The following SLC6A14 variants were observed in gnomAD, a reference collection of about 807,000 sequenced individuals.
The protein encoded by SLC6A14 is solute carrier family 6 member 14.
A neutral mutation model predicts 51.4 loss-of-function variants in SLC6A14; 21 were observed. That is an observed-to-expected ratio of 0.41 (90% CI 0.29 to 0.59). The LOEUF (loss-of-function observed/expected upper bound fraction) is 0.59. SLC6A14 is among the 20% of genes least tolerant of loss of function. SLC6A14 has a pLI of 0.31. For missense variants in SLC6A14, 371 were observed against 472.8 expected (o/e 0.78, Z 2.00); for synonymous variants, 177 against 160.7 (o/e 1.10, Z -0.77).
intron 7 of SLC6A14, among the ~76,000 whole-genome samples, chrX:116,447,731 G>C (rs1295848176): frequency 9.1e-6 from 1 of 110,492 alleles, no homozygotes; most frequent in Non-Finnish European, 1.9e-5. Flanking sequence ...AAGTAGCTGG[G>C]ATTACAGGCA....
chrX:116,456,590 A>C lies in SLC6A14; in HGVS notation c.1615-1019A>C, dbSNP rs1483588993. On this transcript the variant is annotated intron_variant, in intron 12 of 13. Coordinates refer to ENST00000598581, the MANE Select transcript of SLC6A14 (RefSeq NM_007231.5). ...CACCTGAATTTAATTTAAAATGCAA[A>C]AGTATTAGATATGAAATGATTTACA... is the stretch of plus-strand genomic sequence containing the variant. Among the ~76,000 whole-genome samples, 3 of 111,020 alleles carry C rather than the reference A, an allele frequency of 2.7e-5. No individual in the cohort carries two copies. The East Asian group carries it at 8.4e-4, about 31-fold the overall frequency.
chrX:116,445,472 G>GAGAGAC (rs1927690081), intron 6 of SLC6A14, among the ~76,000 whole-genome samples: 1 of 99,443 alleles, frequency 1.0e-5, no homozygotes, highest in East Asian at 3.1e-4. Context: ...GAGAGAGAGA[G>GAGAGAC]AGAGAGAGAG....
At position 116,437,674 on chromosome X, in the gene SLC6A14, A is replaced by G. The variant is rs1268003263; in HGVS notation, c.49-116A>G. On this transcript the variant is annotated intron_variant, in intron 1 of 13. Transcript: ENST00000598581. ...ACTTTCTAAAGCATTCCCCTCAGCTATGGTTTTCAGGGTTTCTTCCCCCCA... is the reference window on the plus strand; with the variant it reads ...ACTTTCTAAAGCATTCCCCTCAGCTGTGGTTTTCAGGGTTTCTTCCCCCCA... 3 of 692,133 alleles carry G rather than the reference A, an allele frequency of 4.3e-6. No homozygotes were observed. In the Admixed American group the frequency reaches 9.6e-5, roughly 22 times the overall value. 57.0% of individuals were successfully genotyped at this position (692,133 alleles called of 1,213,427 possible).
chrX:116,457,845 A>C, intron 13 of SLC6A14, 69 bp downstream of exon 13: 1 of 793,996 alleles, frequency 1.3e-6, no homozygotes, highest in Non-Finnish European at 1.9e-6. Flanking sequence ...TAATTTACTC[A>C]CATGGTAGTA....
chrX:116,452,935 T>C (rs782063500), intron 8 of SLC6A14, 82 bp from the exon 9 acceptor site: 1 of 805,039 alleles, frequency 1.2e-6, no homozygotes, highest in African/African-American at 2.2e-5. Context: ...AAGATGAGAT[T>C]TTTCTAATAT....
At chrX:116,437,456 A>T (rs1183010551) in intron 1 of SLC6A14, among the ~76,000 whole-genome samples, 1 of 111,828 alleles carries the variant, frequency 8.9e-6, no homozygotes, top group Non-Finnish European at 1.9e-5. Flanking sequence ...CCAGTGTGAC[A>T]AAGACCTTTG....
chrX:116,450,977 A>C (rs1471097974), intron 7 of SLC6A14, among the ~76,000 whole-genome samples: 1 of 112,040 alleles, frequency 8.9e-6, no homozygotes, highest in African/African-American at 3.2e-5. Context: ...AGTGGAAAAG[A>C]ATGATTAAAA....
intron 4 of SLC6A14, 55 bp from the exon 5 acceptor site, chrX:116,443,588 A>AGTAATCTTC (rs1370764281): frequency 1.2e-6 from 1 of 844,832 alleles, no homozygotes. Flanking sequence ...TTTCTAGGAA[A>AGTAATCTTC]GTAATCTTCT....
intron 7 of SLC6A14, among the ~76,000 whole-genome samples, chrX:116,449,023 C>G (rs1353376052): frequency 2.7e-5 from 3 of 111,002 alleles, no homozygotes; most frequent in Non-Finnish European, 5.7e-5. Flanking sequence ...AATCAGGTGT[C>G]TTTCCTTTCC....
Position 116,443,646 on chromosome X carries a change from C to T in SLC6A14, c.512C>T (p.Thr171Ile). 2 of 1,136,638 alleles carry T rather than the reference C, an allele frequency of 1.8e-6. No homozygotes were observed. Among genetic ancestry groups the T allele is most frequent in the Non-Finnish European group, 2.4e-6 (2 of 850,986 alleles). The allele number at this position is 1,136,638 out of a possible 1,213,427, so 93.7% of individuals were successfully genotyped here. ...CTATATTTTTTATCCTCTTTAGTAACTCACTGTAATGTGAGTACAGTGAAT... is the reference window on the plus strand; with the variant it reads ...CTATATTTTTTATCCTCTTTAGTAATTCACTGTAATGTGAGTACAGTGAAT... ...DKNCSRSPIV[T>I]HCNVSTVNKG... Residue 171 changes from threonine (T) to isoleucine (I), a missense_variant, in exon 5 of 14, where the codon ACT (threonine) becomes ATT (isoleucine). Thr to Ile is a moderately conservative substitution (Grantham distance 89). Transcript: ENST00000598581.
chrX:116,449,438 A>G (rs1485388996), intron 7 of SLC6A14, among the ~76,000 whole-genome samples: 2 of 111,781 alleles, frequency 1.8e-5, no homozygotes, highest in Non-Finnish European at 3.8e-5. Context: ...AAAGAAGCTC[A>G]GAGACCAACA....
chrX:116,440,845 C>G (rs1927580074), intron 2 of SLC6A14, 121 bp from the exon 3 acceptor site: 1 of 754,657 alleles, frequency 1.3e-6, no homozygotes, highest in Non-Finnish European at 1.9e-6. Flanking sequence ...ACTTTAGGCC[C>G]AAACCCAGCG....
intron 10 of SLC6A14, 112 bp from the exon 11 acceptor site, chrX:116,454,865 G>A: frequency 3.7e-6 from 2 of 535,571 alleles, no homozygotes; most frequent in South Asian, 7.1e-5. Context: ...TTTAGCAGAA[G>A]GGAAACTAAG....
intron 2 of SLC6A14, among the ~76,000 whole-genome samples, chrX:116,440,158 A>G (rs1427459279): frequency 1.8e-5 from 2 of 111,692 alleles, no homozygotes; most frequent in South Asian, 7.5e-4. Flanking sequence ...CAAAACTTCT[A>G]ATGAAAAATA....
Position 116,454,396 on chromosome X carries a change from G to A in SLC6A14, c.1358G>A (p.Gly453Asp). The change falls in exon 10 of 14, where the codon GGC (glycine) becomes GAC (aspartate). Residue 453 changes from glycine to aspartate, a missense_variant. Gly to Asp is a moderately conservative substitution (Grantham distance 94, BLOSUM62 -1). Transcript: ENST00000598581. ...AAAATGAGGGTTCCCATAACTTTGG[G>A]CTGCTGCTTGGTTTTGTTTCTCCTT... is the stretch of plus-strand genomic sequence containing the variant. ...MKKMRVPITLGCCLVLFLLGL... is the reference protein window; with the variant it reads ...MKKMRVPITLDCCLVLFLLGL... 8.3e-7 allele frequency: 1 copy of A among 1,203,461 alleles called. No homozygotes were observed. The highest frequency in any genetic ancestry group is 1.1e-6 in the Non-Finnish European group (1 of 890,012).
intron 12 of SLC6A14, 98 bp downstream of exon 12, chrX:116,455,564 T>C: frequency 1.6e-6 from 1 of 608,598 alleles, no homozygotes; most frequent in Admixed American, 2.9e-5. Flanking sequence ...ATTAATTTTA[T>C]AAAGGAATGA....
At position 116,442,001 on chromosome X, in the gene SLC6A14, T is replaced by A. The variant is rs980518534; in HGVS notation, c.347-686T>A. 2.7e-5 allele frequency among the ~76,000 whole-genome samples: 3 copies of A among 111,804 alleles called. No homozygotes were observed. In the Admixed American group the frequency reaches 2.9e-4, roughly 11 times the overall value. On this transcript the variant is annotated intron_variant, in intron 3 of 13. Transcript: ENST00000598581. ...AAATAAGATACAAGCTTTGAATTTT[T>A]TTTGTCTAAAGAATGTCGACTTTGC...
At chrX:116,456,950 A>C (rs1369639857) in intron 12 of SLC6A14, among the ~76,000 whole-genome samples, 1 of 111,932 alleles carries the variant, frequency 8.9e-6, no homozygotes, top group East Asian at 2.8e-4. Flanking sequence ...TTCATCTTTA[A>C]CATTCAGATT....
intron 7 of SLC6A14, among the ~76,000 whole-genome samples, chrX:116,449,423 A>C (rs1488557622): frequency 9.0e-6 from 1 of 111,595 alleles, no homozygotes; most frequent in Non-Finnish European, 1.9e-5. Flanking sequence ...GTAATGTATC[A>C]AGTAAAAGAA....
Sources: allele counts gnomAD v4.1 joint callset (sites outside exome capture counted in the v4.1 genomes callset), GRCh38; gene constraint gnomAD v4.1.1; transcripts MANE v1.5; gene names NCBI Gene and HGNC (gene_info 2026-07-23, HGNC 2026-07-21).